IQSEC1: variants seen among roughly 807,000 people sequenced by gnomAD.
IQSEC1 encodes the protein IQ motif and SEC7 domain-containing protein 1.
In IQSEC1, 31 loss-of-function variants were observed where a neutral mutation model predicts 91.0. That is an observed-to-expected ratio of 0.34 (90% confidence interval 0.26 to 0.46). The LOEUF is 0.46. Among genes scored for constraint, IQSEC1 ranks in the 20% least tolerant of loss-of-function variants. The probability of loss-of-function intolerance (pLI) is 1.00; values close to 1 mark genes in which losing one functional copy is unlikely to be tolerated. For synonymous variants in IQSEC1, 699 were observed against 662.6 expected, an observed-to-expected ratio of 1.05 and a Z score of -0.84; for missense variants, 1,388 against 1,575.6, an observed-to-expected ratio of 0.88 and a Z score of 2.02.
chr3:12,901,263 G>A lies in IQSEC1; in HGVS notation c.3065C>T (p.Ala1022Val). ...CTGGGTGTGATGCCCGTGCATGGCGGCCTGCGGCAGCCCCTCTGGGGGCCC... is the reference window on the plus strand; with the variant it reads ...CTGGGTGTGATGCCCGTGCATGGCGACCTGCGGCAGCCCCTCTGGGGGCCC... ...HLGPPEGLPQ[A>V]AMHGHHTQYC... Residue 1022 changes from alanine (A) to valine (V), a missense_variant, in exon 14 of 14, where the codon GCC becomes GTC. Physicochemically the swap from Ala to Val is moderately conservative, Grantham distance 64. Coordinates refer to ENST00000613206, the MANE Select transcript of IQSEC1 (RefSeq NM_001134382.3). 2.6e-6 allele frequency: 4 copies of A among 1,548,106 alleles called. No individual in the cohort carries two copies. Among genetic ancestry groups the A allele is most frequent in the African/African-American group, 1.4e-5 (1 of 72,514 alleles).
chr3:13,033,035 T>C (rs1395241507), intron 1 of IQSEC1, among the ~76,000 whole-genome samples: 2 of 152,232 alleles, frequency 1.3e-5, no homozygotes, highest in East Asian at 3.8e-4. Context: ...CACGTGGTGT[T>C]GCAAGACAAA....
rs116551491 is a variant in IQSEC1, at chr3:13,232,748, T to C, written c.272+49963A>G. Among the ~76,000 whole-genome samples the C allele has an allele frequency of 6.9e-3, 1,048 of 152,324 alleles. 13 individuals carry two copies. Among genetic ancestry groups the C allele is most frequent in the African/African-American group, 0.023 (971 of 41,562 alleles). On this transcript the variant is annotated intron_variant, in intron 1 of 15. Transcript: ENST00000648114. ...ATAAATAAAGAGTAGTGTACCCCAGTGTCCACAGCTGAGTGGATAAACACA... is the reference window on the plus strand; with the variant it reads ...ATAAATAAAGAGTAGTGTACCCCAGCGTCCACAGCTGAGTGGATAAACACA...
intron 1 of IQSEC1, among the ~76,000 whole-genome samples, chr3:13,027,755 G>A (rs184318312): frequency 7.2e-5 from 11 of 152,260 alleles, no homozygotes; most frequent in African/African-American, 2.2e-4. Flanking sequence ...AAGGCAGAAC[G>A]GGGGGACTCC....
At chr3:12,995,619 G>T (rs1262148435) in intron 1 of IQSEC1, among the ~76,000 whole-genome samples, 1 of 152,208 alleles carries the variant, frequency 6.6e-6, no homozygotes, top group East Asian at 1.9e-4. Flanking sequence ...CAGTGTGCCT[G>T]ACTGCCCCAC....
At chr3:13,012,815 T>C (rs1455698751) in intron 1 of IQSEC1, among the ~76,000 whole-genome samples, 1 of 152,138 alleles carries the variant, frequency 6.6e-6, no homozygotes, top group East Asian at 1.9e-4. Context: ...AAACCCCTTT[T>C]CTGCTTATGC....
In IQSEC1 at chr3:13,218,505, G is replaced by A. The variant is rs549195343; in HGVS notation, c.273-54372C>T. Among the ~76,000 whole-genome samples, 61 of 152,360 alleles carry A rather than the reference G, an allele frequency of 4.0e-4. No individual in the cohort carries two copies. In the South Asian group the frequency reaches 0.013, roughly 32 times the overall value. ...ACAGAGTCTTTGGCGGGAGGTGTGGGAAGCCTGTGGCCGAGACAGCATAGT... is the reference window on the plus strand; with the variant it reads ...ACAGAGTCTTTGGCGGGAGGTGTGGAAAGCCTGTGGCCGAGACAGCATAGT... On this transcript the variant is annotated intron_variant, in intron 1 of 15. Coordinates refer to the IQSEC1 transcript ENST00000648114.
At chr3:13,221,807 C>T (rs1463477573) in intron 1 of IQSEC1, among the ~76,000 whole-genome samples, 2 of 152,246 alleles carry the variant, frequency 1.3e-5, no homozygotes, top group African/African-American at 4.8e-5. Flanking sequence ...CTGCAGTCAG[C>T]GATCTGGAAA....
At chr3:13,024,121 C>T (rs561539696) in intron 1 of IQSEC1, among the ~76,000 whole-genome samples, 2 of 152,204 alleles carry the variant, frequency 1.3e-5, no homozygotes, top group Non-Finnish European at 1.5e-5. Context: ...TCTGGCCTGT[C>T]CTCCTAGTAG....
intron 1 of IQSEC1, among the ~76,000 whole-genome samples, chr3:13,248,251 C>T (rs992990704): frequency 6.6e-6 from 1 of 152,302 alleles, no homozygotes; most frequent in South Asian, 2.1e-4. Flanking sequence ...AGGAGGAAGC[C>T]GGGGTTTTCC....
chr3:13,067,287 G>A (rs1223902902), intron 1 of IQSEC1, among the ~76,000 whole-genome samples: 2 of 152,208 alleles, frequency 1.3e-5, no homozygotes, highest in African/African-American at 2.4e-5. Flanking sequence ...TGTGTCGTCA[G>A]TAGGCTTTTG....
At chr3:12,925,653 C>G (rs373306395) in intron 3 of IQSEC1, among the ~76,000 whole-genome samples, 1 of 152,216 alleles carries the variant, frequency 6.6e-6, no homozygotes, top group Non-Finnish European at 1.5e-5. Context: ...GGAGACCAGA[C>G]CCCCAGAGCA....
In IQSEC1 at chr3:12,967,484, G is replaced by GCCGGGAC; in HGVS notation, c.24-25626_24-25620dup. ...GCAGTGGGAGCGGGCCGGGCCGGGA[G>GCCGGGAC]CCGGGACCCAGGCCCAGCAGAGGCC... is the stretch of plus-strand genomic sequence containing the variant. On this transcript the variant is annotated intron_variant, in intron 1 of 13. Coordinates refer to ENST00000613206, the MANE Select transcript of IQSEC1 (RefSeq NM_001134382.3). This position sits in a 1 kb window ranked among gnomAD's most constrained non-coding sequence, Gnocchi z 5.9. The GCCGGGAC allele has an allele frequency of 6.7e-7, 1 of 1,497,832 alleles. No individual in the cohort carries two copies. Among genetic ancestry groups the GCCGGGAC allele is most frequent in the Non-Finnish European group, 8.9e-7 (1 of 1,129,390 alleles). The allele number at this position is 1,497,832 out of a possible 1,614,324, so 92.8% of individuals were successfully genotyped here.
At position 13,129,655 on chromosome 3, in the gene IQSEC1, AT is replaced by A. The variant is rs35069619; in HGVS notation, c.302+34448del. ...GTACTGCTTTAGTAACATCTTATGA[AT>A]TTTTTTTTTTTTTTTTTTTGAGACA... is the stretch of plus-strand genomic sequence containing the variant. On this transcript the variant is annotated intron_variant, in intron 2 of 15. Transcript: ENST00000648114. Among the ~76,000 whole-genome samples, 545 of 118,320 alleles carry A rather than the reference AT, an allele frequency of 4.6e-3. 6 individuals are homozygous for A. Among genetic ancestry groups the A allele is most frequent in the African/African-American group, 0.015 (437 of 29,652 alleles). 77.6% of individuals were successfully genotyped at this position (118,320 alleles called of 152,430 possible).
At chr3:13,073,573 G>C (rs1017816916), upstream of IQSEC1, among the ~76,000 whole-genome samples, 5 of 151,858 alleles carry the variant, frequency 3.3e-5, no homozygotes, top group Non-Finnish European at 5.9e-5. Flanking sequence ...GCGCCCTCGC[G>C]GCAAAGTCAC....
chr3:13,233,134 G>A (rs112240949), intron 1 of IQSEC1, among the ~76,000 whole-genome samples: 2,513 of 152,312 alleles, frequency 0.016, 75 homozygotes, highest in African/African-American at 0.057. Context: ...TAAATGTTAC[G>A]CTGTGTATTT....
intron 1 of IQSEC1, among the ~76,000 whole-genome samples, chr3:13,205,042 C>A (rs989664036): frequency 1.3e-5 from 2 of 151,942 alleles, no homozygotes; most frequent in African/African-American, 4.8e-5. Flanking sequence ...AGGTGATCCG[C>A]CCTCCTCGAC....
intron 2 of IQSEC1, among the ~76,000 whole-genome samples, chr3:12,937,344 A>G (rs1433238355): frequency 1.3e-5 from 2 of 152,164 alleles, no homozygotes; most frequent in East Asian, 3.8e-4. Context: ...AACGAAACCC[A>G]TTTGGAGACC....
chr3:12,906,578 G>A (rs1256073476), intron 12 of IQSEC1, among the ~76,000 whole-genome samples: 1 of 152,248 alleles, frequency 6.6e-6, no homozygotes, highest in African/African-American at 2.4e-5. Flanking sequence ...CCAGGGTGGG[G>A]TCTCAGTCCC....
At chr3:12,991,912 C>T (rs1337853588) in intron 1 of IQSEC1, among the ~76,000 whole-genome samples, 2 of 152,136 alleles carry the variant, frequency 1.3e-5, no homozygotes, top group African/African-American at 4.8e-5. Flanking sequence ...AGAGCAGCGG[C>T]TGGAAGGGCG....
Sources: gnomAD v4.1 joint callset for allele counts (sites outside exome capture counted in the v4.1 genomes callset) on GRCh38, gnomAD v4.1.1 for gene constraint, Gnocchi (gnomAD v3.1) non-coding constraint, MANE v1.5 for transcripts, NCBI Gene and HGNC (gene_info 2026-07-23, HGNC 2026-07-21) for gene names.